Variants in PDE4A observed in about 807,000 individuals in gnomAD.
PDE4A encodes the protein 3',5'-cyclic-AMP phosphodiesterase 4A.
PDE4A carries 21 observed loss-of-function variants against 73.9 expected under a neutral mutation model. The observed-to-expected ratio is 0.28, with a 90% CI of 0.20 to 0.41. The LOEUF is 0.41. Ranked by LOEUF, PDE4A falls within the 10% of genes least tolerant of loss-of-function variation. PDE4A has a pLI of 1.00. For synonymous variants in PDE4A, 463 were observed against 505.4 expected, an observed-to-expected ratio of 0.92 and a Z score of 1.13; for missense variants, 958 against 1,211.4, an observed-to-expected ratio of 0.79 and a Z score of 3.10.
chr19:10,464,114 T>C, intron 14 of PDE4A, 139 bp downstream of exon 14: 1 of 1,171,684 alleles, frequency 8.5e-7, no homozygotes, highest in Non-Finnish European at 1.2e-6. Flanking sequence ...TGTTTTGTTT[T>C]TGAGACGGAG....
At chr19:10,432,328 C>G in intron 1 of PDE4A, 1 of 1,257,660 alleles carries the variant, frequency 8.0e-7, no homozygotes, top group South Asian at 2.8e-5. Flanking sequence ...GGCGTGGAGG[C>G]GGTGCCGGCA....
intron 12 of PDE4A, 21 bp from the exon 13 acceptor site, chr19:10,461,856 G>T: frequency 6.2e-7 from 1 of 1,609,208 alleles, no homozygotes; most frequent in Non-Finnish European, 8.5e-7. Flanking sequence ...AGCGGCCCCA[G>T]TGACGCCCCC....
intron 1 of PDE4A, among the ~76,000 whole-genome samples, chr19:10,427,222 C>T (rs2042728926): frequency 6.6e-6 from 1 of 152,182 alleles, no homozygotes; most frequent in Admixed American, 6.5e-5. Flanking sequence ...ACTGCTTGAA[C>T]CCAGGAAGTG....
intron 1 of PDE4A, chr19:10,423,089 T>G (rs2042671089): frequency 1.0e-6 from 1 of 984,092 alleles, no homozygotes; most frequent in African/African-American, 1.8e-5. Context: ...CCCAGTGCCC[T>G]GGGTATTCCA....
chr19:10,429,468 C>G (rs1351305144), intron 1 of PDE4A, among the ~76,000 whole-genome samples: 1 of 152,136 alleles, frequency 6.6e-6, no homozygotes, highest in Non-Finnish European at 1.5e-5. Flanking sequence ...TCCAAAGTAG[C>G]TGGGACCACA....
chr19:10,429,298 G>A (rs997808690), intron 1 of PDE4A, among the ~76,000 whole-genome samples: 10 of 149,574 alleles, frequency 6.7e-5, no homozygotes, highest in Non-Finnish European at 1.0e-4. Context: ...AAGAAAGAAA[G>A]AAAGAGAGGA....
chr19:10,459,532 G>T, intron 9 of PDE4A, 34 bp downstream of exon 9: 1 of 1,611,362 alleles, frequency 6.2e-7, no homozygotes, highest in South Asian at 1.1e-5. Context: ...GCCCGGGTGA[G>T]GGGCTCATAG....
At chr19:10,417,665 G>T (rs543332356), upstream of PDE4A, 1 of 1,593,528 alleles carries the variant, frequency 6.3e-7, no homozygotes, top group Non-Finnish European at 8.5e-7. Context: ...CCCAGAGGTC[G>T]AGGGAGACCC....
intron 1 of PDE4A, among the ~76,000 whole-genome samples, chr19:10,431,547 A>C (rs563036622): frequency 6.6e-6 from 1 of 152,304 alleles, no homozygotes; most frequent in Non-Finnish European, 1.5e-5. Flanking sequence ...GGGGGCTTGA[A>C]GTCTGGGAGT....
chr19:10,423,282 C>T (rs997991627), intron 1 of PDE4A: 2 of 295,972 alleles, frequency 6.8e-6, no homozygotes, highest in Non-Finnish European at 1.0e-5. Flanking sequence ...CCTCAGCCTC[C>T]GGAGTAGCTG....
chr19:10,433,852 C>T (rs759685968), intron 1 of PDE4A, among the ~76,000 whole-genome samples: 8 of 152,198 alleles, frequency 5.3e-5, no homozygotes, highest in Non-Finnish European at 1.2e-4. Flanking sequence ...CACGGGGAGC[C>T]GGGGGAGACA....
chr19:10,428,822 C>G, intron 1 of PDE4A: 1 of 985,446 alleles, frequency 1.0e-6, no homozygotes, highest in Non-Finnish European at 1.2e-6. Flanking sequence ...GGATATTTCA[C>G]AGAGGTGGAC....
At chr19:10,437,039 A>AAAATAAATAAAT (rs138679319) in intron 1 of PDE4A, among the ~76,000 whole-genome samples, 2 of 152,100 alleles carry the variant, frequency 1.3e-5, no homozygotes, top group African/African-American at 4.8e-5. Flanking sequence ...CTCCATCTCA[A>AAAATAAATAAAT]AAATAAATAA....
At chr19:10,419,226 T>TGGG (rs372713857), upstream of PDE4A, 2 of 37,986 alleles carry the variant, frequency 5.3e-5, no homozygotes, top group East Asian at 6.8e-4. Context: ...CTTATCGGCG[T>TGGG]GGGGGGGGGG....
chr19:10,435,740 G>A (rs937075433), intron 1 of PDE4A, among the ~76,000 whole-genome samples: 5 of 152,162 alleles, frequency 3.3e-5, no homozygotes, highest in African/African-American at 9.7e-5. Context: ...GGTCCCATGG[G>A]GATGTTGCTG....
chr19:10,424,869 G>A lies in PDE4A; in HGVS notation c.320+3785G>A, dbSNP rs2145449152. On this transcript the variant is annotated intron_variant, in intron 1 of 14. Transcript: ENST00000380702. This position sits in a 1 kb window ranked among gnomAD's most constrained non-coding sequence, Gnocchi z 4.8. ...ATCCTTGGCTCTGCGCTTCCTGCCC[G>A]GGAAACAGAGACCATGGGACTTGCC... Among the ~76,000 whole-genome samples the A allele has an allele frequency of 6.6e-6, 1 of 152,352 alleles. No individual in the cohort carries two copies. The highest frequency in any genetic ancestry group is 1.5e-5 in the Non-Finnish European group (1 of 68,028).
chr19:10,467,678 C>G lies in PDE4A; in HGVS notation c.*57C>G. 1.5e-6 allele frequency: 2 copies of G among 1,308,152 alleles called. No individual in the cohort carries two copies. Among genetic ancestry groups the G allele is most frequent in the Non-Finnish European group, 2.1e-6 (2 of 951,814 alleles). The allele number at this position is 1,308,152 out of a possible 1,614,324, so 81.0% of individuals were successfully genotyped here. A position where few individuals can be genotyped will look rare whatever the true frequency, so the allele number is the denominator to read the frequency against. On this transcript the variant is annotated 3_prime_UTR_variant, in exon 15 of 15. Transcript: ENST00000380702. ...TCCTCCCCTCACTCCCCTGCTCCCC[C>G]GACCACCTCCTCCTCTGCCTCAAAG... is the stretch of plus-strand genomic sequence containing the variant.
intron 1 of PDE4A, among the ~76,000 whole-genome samples, chr19:10,431,673 A>G (rs1449348186): frequency 6.6e-6 from 1 of 151,996 alleles, no homozygotes; most frequent in African/African-American, 2.4e-5. Context: ...CCGGGTCCTC[A>G]GCCTCCCCCT....
At chr19:10,459,544 G>A (rs769005712) in intron 9 of PDE4A, 46 bp downstream of exon 9, 18 of 1,611,092 alleles carry the variant, frequency 1.1e-5, no homozygotes, top group South Asian at 4.4e-5. Context: ...GGCTCATAGC[G>A]GGGCGCTGGA....
Sources: gnomAD v4.1 joint callset for allele counts (sites outside exome capture counted in the v4.1 genomes callset) on GRCh38, gnomAD v4.1.1 for gene constraint, Gnocchi (gnomAD v3.1) non-coding constraint, MANE v1.5 for transcripts, NCBI Gene and HGNC (gene_info 2026-07-23, HGNC 2026-07-21) for gene names.